The following DSCAM variants were observed in gnomAD, a reference collection of about 807,000 sequenced individuals.
DSCAM encodes the protein DS cell adhesion molecule, also known as cell adhesion molecule DSCAM.
In DSCAM, 47 loss-of-function variants were observed where a neutral mutation model predicts 217.7. The ratio of observed to expected loss-of-function variants is 0.22; its 90% CI spans 0.17 to 0.28. The LOEUF is 0.28. DSCAM is among the 10% of genes least tolerant of loss of function. The pLI, the probability that DSCAM is intolerant of heterozygous loss-of-function variation, is 1.00. For missense variants in DSCAM, 2,080 were observed against 2,618.3 expected (o/e 0.79, Z 4.49); for synonymous variants, 1,056 against 1,015.3 (o/e 1.04, Z -0.76).
intron 21 of DSCAM, among the ~76,000 whole-genome samples, chr21:40,091,547 T>A (rs1291862451): frequency 2.0e-5 from 3 of 152,096 alleles, no homozygotes; most frequent in Non-Finnish European, 1.5e-5. Flanking sequence ...CCTCTCACAC[T>A]ATTTCTTTAT....
intron 10 of DSCAM, among the ~76,000 whole-genome samples, chr21:40,286,312 C>A (rs960036259): frequency 1.3e-5 from 2 of 152,150 alleles, no homozygotes; most frequent in African/African-American, 4.8e-5. Flanking sequence ...GCCTGTGGAA[C>A]TGGCATTCAA....
At chr21:40,683,964 C>T (rs1250097314) in intron 3 of DSCAM, among the ~76,000 whole-genome samples, 1 of 152,000 alleles carries the variant, frequency 6.6e-6, no homozygotes, top group African/African-American at 2.4e-5. Flanking sequence ...CGGTGGCTCA[C>T]ACCTATAATC....
intron 3 of DSCAM, among the ~76,000 whole-genome samples, chr21:40,633,939 T>C (rs2089723729): frequency 6.6e-6 from 1 of 152,144 alleles, no homozygotes; most frequent in African/African-American, 2.4e-5. Flanking sequence ...ATGTTGTTGC[T>C]GTATAAGGTG....
chr21:40,339,429 A>G lies in DSCAM; in HGVS notation c.1211-14T>C. 3 of 1,583,560 alleles carry G rather than the reference A, an allele frequency of 1.9e-6. No homozygotes were observed. Among genetic ancestry groups the G allele is most frequent in the Non-Finnish European group, 2.6e-6 (3 of 1,165,188 alleles). ...TGGGAGTTCCATCTGCAGGAAAACA[A>G]ATTATGGAAGAAAGTGGCACATACA... On this transcript the variant is annotated splice_polypyrimidine_tract_variant and intron_variant, in intron 6 of 32. Coordinates refer to ENST00000400454, the MANE Select transcript of DSCAM (RefSeq NM_001389.5).
At chr21:40,471,455 C>T (rs2075887617) in intron 3 of DSCAM, among the ~76,000 whole-genome samples, 1 of 152,218 alleles carries the variant, frequency 6.6e-6, no homozygotes, top group South Asian at 2.1e-4. Context: ...TTTAAAACAA[C>T]ATCAGTAACT....
intron 1 of DSCAM, among the ~76,000 whole-genome samples, chr21:40,840,579 A>T (rs2092092434): frequency 6.6e-6 from 1 of 152,218 alleles, no homozygotes; most frequent in Non-Finnish European, 1.5e-5. Context: ...ACCTAAAGCA[A>T]TTACATAGCT....
intron 3 of DSCAM, among the ~76,000 whole-genome samples, chr21:40,634,460 G>A (rs2089729739): frequency 6.6e-6 from 1 of 152,120 alleles, no homozygotes; most frequent in African/African-American, 2.4e-5. Context: ...GGTTCTGTTT[G>A]CCTACAACAC....
chr21:40,360,680 T>C (rs1241362772), intron 4 of DSCAM, among the ~76,000 whole-genome samples: 1 of 152,198 alleles, frequency 6.6e-6, no homozygotes. Flanking sequence ...TACCATGGTG[T>C]ATATGTACCA....
chr21:40,145,673 C>T (rs962527152), intron 16 of DSCAM, among the ~76,000 whole-genome samples: 4 of 151,636 alleles, frequency 2.6e-5, no homozygotes, highest in African/African-American at 7.3e-5. Flanking sequence ...GGTGAAACCC[C>T]GTCTCTGCTA....
intron 11 of DSCAM, among the ~76,000 whole-genome samples, chr21:40,196,175 G>C (rs1023958129): frequency 9.2e-5 from 14 of 152,176 alleles, no homozygotes; most frequent in Admixed American, 8.5e-4. Flanking sequence ...GTGGGGTTAG[G>C]TGGTGCCTGG....
Position 40,359,731 on chromosome 21 carries a change from T to C in DSCAM, c.656-5988A>G, listed in dbSNP as rs974218163. ...TCCATATATCAATTTATGTGAAATA[T>C]CCAGAAAATGCAACTCTACAGAGAC... On this transcript the variant is annotated intron_variant, in intron 4 of 32. Coordinates refer to ENST00000400454, the MANE Select transcript of DSCAM (RefSeq NM_001389.5). 2.6e-5 allele frequency among the ~76,000 whole-genome samples: 4 copies of C among 152,152 alleles called. No homozygotes were observed. In the East Asian group the frequency reaches 5.8e-4, roughly 22 times the overall value.
At chr21:40,496,345 A>C (rs2076118416) in intron 3 of DSCAM, among the ~76,000 whole-genome samples, 1 of 152,180 alleles carries the variant, frequency 6.6e-6, no homozygotes, top group African/African-American at 2.4e-5. Context: ...CACAGAATAC[A>C]GAATAAAGAG....
intron 3 of DSCAM, among the ~76,000 whole-genome samples, chr21:40,519,239 A>G (rs966356968): frequency 3.3e-5 from 5 of 152,146 alleles, no homozygotes; most frequent in Admixed American, 2.6e-4. Context: ...CTGTAATAAT[A>G]CCCAGTTATT....
chr21:40,618,482 G>A (rs72613626), intron 3 of DSCAM: 14,036 of 152,228 alleles, frequency 0.092, 768 homozygotes, highest in East Asian at 0.2. Flanking sequence ...GGGAGGCGGA[G>A]TTTCATGAGA....
intron 1 of DSCAM, among the ~76,000 whole-genome samples, chr21:40,816,341 G>A (rs1364092293): frequency 6.6e-6 from 1 of 152,164 alleles, no homozygotes; most frequent in East Asian, 1.9e-4. Context: ...GTGACCTTGG[G>A]AGGCCAAAGC....
At chr21:40,712,416 T>C (rs895887755) in intron 1 of DSCAM, among the ~76,000 whole-genome samples, 2 of 143,256 alleles carry the variant, frequency 1.4e-5, no homozygotes, top group African/African-American at 5.3e-5. Flanking sequence ...TGAGCCGAGA[T>C]TGCGCCACTG....
At chr21:40,151,733 C>G (rs1256804585) in intron 16 of DSCAM, among the ~76,000 whole-genome samples, 1 of 152,310 alleles carries the variant, frequency 6.6e-6, no homozygotes, top group African/African-American at 2.4e-5. Flanking sequence ...TTAGCCACTA[C>G]AGAAGTGGAG....
intron 3 of DSCAM, among the ~76,000 whole-genome samples, 197 bp from the exon 4 acceptor site, chr21:40,369,442 TTTAA>T (rs2074872217): frequency 6.6e-6 from 1 of 151,044 alleles, no homozygotes; most frequent in Non-Finnish European, 1.5e-5. Context: ...TCCAAGCTGT[TTTAA>T]TTTTTTGACT....
At chr21:40,383,282 C>T (rs1402985299) in intron 3 of DSCAM, 2 of 152,118 alleles carry the variant, frequency 1.3e-5, no homozygotes, top group African/African-American at 4.8e-5. Context: ...GAGCTGAGAT[C>T]ATGCCACTAC....
Sources: allele counts gnomAD v4.1 joint callset (sites outside exome capture counted in the v4.1 genomes callset), GRCh38; gene constraint gnomAD v4.1.1; transcripts MANE v1.5; gene names NCBI Gene and HGNC (gene_info 2026-07-23, HGNC 2026-07-21).